PRKG1: variants seen among roughly 807,000 people sequenced by gnomAD.
PRKG1 encodes the protein protein kinase cGMP-dependent 1.
A neutral mutation model predicts 88.1 loss-of-function variants in PRKG1; 35 were observed. The observed-to-expected ratio is 0.40, with a 90% CI of 0.30 to 0.53. The LOEUF is 0.53. Ranked by LOEUF, PRKG1 falls within the 20% of genes least tolerant of loss-of-function variation. The pLI is 0.59. For missense variants in PRKG1, 540 were observed against 839.8 expected, an observed-to-expected ratio of 0.64 and a Z score of 4.41; for synonymous variants, 303 against 292.5, an observed-to-expected ratio of 1.04 and a Z score of -0.37.
At chr10:51,197,967 T>C (rs1261421408) in intron 2 of PRKG1, among the ~76,000 whole-genome samples, 2 of 151,972 alleles carry the variant, frequency 1.3e-5, no homozygotes, top group East Asian at 3.9e-4. Flanking sequence ...CAAGCTGCTT[T>C]AAGGAATCCT....
In PRKG1 at chr10:51,172,831, A is replaced by G. The variant is rs557596147; in HGVS notation, c.478+19501A>G. Among the ~76,000 whole-genome samples, 4 of 152,166 alleles carry G rather than the reference A, an allele frequency of 2.6e-5. No homozygotes were observed. The South Asian group carries it at 8.3e-4, about 32-fold the overall frequency. On this transcript the variant is annotated intron_variant, in intron 2 of 17. Transcript: ENST00000373980. ...TGAATCAAATATACATTCTTAATTT[A>G]CTAATACAAAGAATTAAATGAAGAC...
At chr10:51,137,745 T>A (rs954406296) in intron 1 of PRKG1, among the ~76,000 whole-genome samples, 1 of 152,186 alleles carries the variant, frequency 6.6e-6, no homozygotes, top group African/African-American at 2.4e-5. Flanking sequence ...TACGGTAGAT[T>A]TATGCTATGA....
chr10:51,575,921 G>A (rs908569251), intron 3 of PRKG1, among the ~76,000 whole-genome samples: 2 of 151,872 alleles, frequency 1.3e-5, no homozygotes, highest in African/African-American at 2.4e-5. Context: ...AAACTTAAAA[G>A]TTTTAAAGAT....
chr10:51,278,325 GC>G (rs1251403755), intron 2 of PRKG1, among the ~76,000 whole-genome samples: 3 of 152,142 alleles, frequency 2.0e-5, no homozygotes, highest in Non-Finnish European at 4.4e-5. Flanking sequence ...TGTTGGATAA[GC>G]TTTTTGATGT....
chr10:52,215,084 G>A (rs1447040933), intron 9 of PRKG1, among the ~76,000 whole-genome samples: 1 of 150,920 alleles, frequency 6.6e-6, no homozygotes, highest in Non-Finnish European at 1.5e-5. Flanking sequence ...TTGGAGAGAT[G>A]TATTATTCTA....
intron 2 of PRKG1, among the ~76,000 whole-genome samples, chr10:51,177,380 CA>C (rs1484724202): frequency 1.3e-5 from 2 of 152,164 alleles, no homozygotes; most frequent in Non-Finnish European, 2.9e-5. Context: ...CTACTAACTA[CA>C]AATGTAAATA....
chr10:51,023,646 C>A (rs1302456734), intron 1 of PRKG1, among the ~76,000 whole-genome samples: 2 of 152,126 alleles, frequency 1.3e-5, no homozygotes, highest in African/African-American at 4.8e-5. Flanking sequence ...ACTTAAAGCA[C>A]ACAAAAAGCA....
chr10:51,218,531 A>ATATATAT (rs1554847948), intron 2 of PRKG1, among the ~76,000 whole-genome samples: 4 of 53,254 alleles, frequency 7.5e-5, no homozygotes, highest in Non-Finnish European at 1.2e-4. Flanking sequence ...ATATATATAT[A>ATATATAT]AAATGTGTGT....
intron 3 of PRKG1, among the ~76,000 whole-genome samples, chr10:51,768,687 T>C (rs866805651): frequency 2.5e-4 from 38 of 152,122 alleles, no homozygotes; most frequent in African/African-American, 8.2e-4. Context: ...GAAGGTATAA[T>C]GTATTTAAAA....
intron 2 of PRKG1, among the ~76,000 whole-genome samples, chr10:51,302,013 T>G (rs368575606): frequency 4.6e-5 from 7 of 152,202 alleles, no homozygotes; most frequent in African/African-American, 1.7e-4. Context: ...TGCTCTGACC[T>G]CTCTCAAGCT....
chr10:52,266,118 C>T lies in PRKG1; in HGVS notation c.1174-5232C>T, dbSNP rs554111228. ...CAGAAAATTCCTATATACGCTGAAC[C>T]CAATTACCCCTATTATTGACAACTT... On this transcript the variant is annotated intron_variant, in intron 10 of 17. Coordinates refer to ENST00000373980, the MANE Select transcript of PRKG1 (RefSeq NM_006258.4). 2.6e-3 allele frequency among the ~76,000 whole-genome samples: 398 copies of T among 151,778 alleles called. 3 individuals are homozygous for T. The highest frequency in any genetic ancestry group is 9.4e-3 in the African/African-American group (388 of 41,410).
In PRKG1 at chr10:51,087,214, C is replaced by T. The variant is rs567549494; in HGVS notation, c.311+12313C>T. ...TTTTTCTGGACCTAGAAACAATTTC[C>T]TCTCCAAAGAAATCTTTGATAAAGT... On this transcript the variant is annotated intron_variant, in intron 1 of 17. Transcript: ENST00000373980. Among the ~76,000 whole-genome samples, 8 of 152,128 alleles carry T rather than the reference C, an allele frequency of 5.3e-5. No individual in the cohort carries two copies. In the South Asian group the frequency reaches 1.7e-3, roughly 32 times the overall value.
intron 3 of PRKG1, among the ~76,000 whole-genome samples, chr10:51,541,233 A>G (rs893498275): frequency 6.6e-6 from 1 of 152,116 alleles, no homozygotes; most frequent in Non-Finnish European, 1.5e-5. Context: ...ACAGTTCACA[A>G]CAGGGTTCGC....
chr10:51,428,595 T>C (rs1166011302), intron 2 of PRKG1, among the ~76,000 whole-genome samples: 1 of 152,166 alleles, frequency 6.6e-6, no homozygotes, highest in Non-Finnish European at 1.5e-5. Context: ...GGCTGAACCC[T>C]GGGTAAGGGC....
rs1554793244 is a variant in PRKG1 at position 52,024,327 on chromosome 10, T to TC, written c.763-30157_763-30156insC. Among the ~76,000 whole-genome samples the TC allele has an allele frequency of 5.4e-5, 8 of 149,236 alleles. No individual in the cohort carries two copies. The East Asian group carries it at 1.6e-3, about 29-fold the overall frequency. On this transcript the variant is annotated intron_variant, in intron 5 of 17. Transcript: ENST00000373980. ...TATTTATTTATTTAACTTTTTTTTT[T>TC]ATTCTTTTTTTTATTATTATACTTT...
chr10:51,392,706 G>A (rs1321921712), intron 2 of PRKG1, among the ~76,000 whole-genome samples: 6 of 151,464 alleles, frequency 4.0e-5, no homozygotes, highest in African/African-American at 7.2e-5. Context: ...CAGTAGGGGC[G>A]GCCGGGCAGA....
chr10:51,820,285 T>G (rs1839707456), intron 4 of PRKG1, among the ~76,000 whole-genome samples: 1 of 152,210 alleles, frequency 6.6e-6, no homozygotes, highest in African/African-American at 2.4e-5. Flanking sequence ...TATTTAATAT[T>G]AAAATTTTCC....
Position 51,602,772 on chromosome 10 carries a change from GTGTGTGTGTATA to G in PRKG1, c.592+134938_592+134949del, listed in dbSNP as rs1402343258. 1.1e-3 allele frequency among the ~76,000 whole-genome samples: 94 copies of G among 85,376 alleles called. 2 individuals carry two copies. The highest frequency in any genetic ancestry group is 3.5e-3 in the African/African-American group (80 of 22,666). 56.0% of individuals were successfully genotyped at this position (85,376 alleles called of 152,430 possible). ...TGTGTGTGTGTGTGTGTGTGTGTGT[GTGTGTGTGTATA>G]TATTCATATATATATTAATTTTCCA... On this transcript the variant is annotated intron_variant, in intron 3 of 17. Coordinates refer to ENST00000373980, the MANE Select transcript of PRKG1 (RefSeq NM_006258.4).
intron 3 of PRKG1, among the ~76,000 whole-genome samples, chr10:51,664,233 G>C (rs193163089): frequency 1.6e-4 from 25 of 152,204 alleles, no homozygotes; most frequent in Middle Eastern, 6.8e-3. Flanking sequence ...TAATTTGACA[G>C]AATATCATCA....
Sources: gnomAD v4.1 joint callset for allele counts (sites outside exome capture counted in the v4.1 genomes callset) on GRCh38, gnomAD v4.1.1 for gene constraint, MANE v1.5 for transcripts, NCBI Gene and HGNC (gene_info 2026-07-23, HGNC 2026-07-21) for gene names.